The following JHY variants were observed in gnomAD, a reference collection of about 807,000 sequenced individuals.
JHY encodes the protein jhy protein homolog.
In JHY, 69 loss-of-function variants were observed where a neutral mutation model predicts 78.0. The observed-to-expected ratio is 0.88, with a 90% CI of 0.73 to 1.08. The LOEUF is 1.08. JHY is among the 50% of genes least tolerant of loss of function. The pLI is 0.00. For missense variants in JHY, 944 were observed against 927.8 expected, an observed-to-expected ratio of 1.02 and a Z score of -0.23; for synonymous variants, 368 against 342.6, an observed-to-expected ratio of 1.07 and a Z score of -0.82.
At chr11:122,900,143 T>C (rs1246925375) in intron 2 of JHY, among the ~76,000 whole-genome samples, 1 of 152,196 alleles carries the variant, frequency 6.6e-6, no homozygotes, top group Non-Finnish European at 1.5e-5. Context: ...TCTTCTCTTG[T>C]TGGAAAAGGA....
chr11:122,909,663 C>T (rs371189162), intron 3 of JHY, among the ~76,000 whole-genome samples: 1 of 152,086 alleles, frequency 6.6e-6, no homozygotes, highest in African/African-American at 2.4e-5. Context: ...CCTGTAATCC[C>T]ACCTACTTGG....
At chr11:122,938,025 G>T (rs1312080483) in intron 5 of JHY, among the ~76,000 whole-genome samples, 2 of 151,672 alleles carry the variant, frequency 1.3e-5, no homozygotes, top group African/African-American at 4.8e-5. Context: ...TTTTGTTGTT[G>T]TTTTTTGTTT....
chr11:122,956,733 C>T (rs1053335922), intron 7 of JHY, among the ~76,000 whole-genome samples, 157 bp downstream of exon 7: 9 of 152,152 alleles, frequency 5.9e-5, no homozygotes, highest in African/African-American at 1.9e-4. Flanking sequence ...GACCCAGACA[C>T]GTGCCTTTTG....
rs781074562 is a variant in JHY, at chr11:122,956,517, C to G, written c.1951C>G (p.Gln651Glu). Residue 651 changes from glutamine to glutamate, a missense_variant, in exon 7 of 9, where the codon CAG becomes GAG. Transcript: ENST00000227349. ...TTAGAACACCAAGCTGAAAGGTTAT[C>G]AGAAAAGAGACGTGAAGCTTGGAGG... ...SSKNTKLKGY[Q>E]KRDVKLGGLG... 1.9e-6 allele frequency: 3 copies of G among 1,613,396 alleles called. No homozygotes were observed. Among genetic ancestry groups the G allele is most frequent in the South Asian group, 2.2e-5 (2 of 91,014 alleles).
chr11:122,937,258 A>T (rs1276982275), intron 5 of JHY, among the ~76,000 whole-genome samples: 1,196 of 114,532 alleles, frequency 0.01, 16 homozygotes, highest in African/African-American at 0.034. Context: ...TTTTTTTTTT[A>T]ATTTTTTTGG....
intron 2 of JHY, among the ~76,000 whole-genome samples, 167 bp from the exon 3 acceptor site, chr11:122,903,758 A>G (rs1436462452): frequency 2.6e-5 from 4 of 152,182 alleles, no homozygotes; most frequent in African/African-American, 9.7e-5. Context: ...TTGGGATTAC[A>G]GGTATGAGCC....
At chr11:122,947,439 G>A (rs1863989971) in intron 6 of JHY, 1 of 152,174 alleles carries the variant, frequency 6.6e-6, no homozygotes, top group South Asian at 2.1e-4. Context: ...GGGCCTACAT[G>A]ATTTAACAAG....
At chr11:122,937,242 C>T (rs1591392018) in intron 5 of JHY, among the ~76,000 whole-genome samples, 9 of 137,646 alleles carry the variant, frequency 6.5e-5, no homozygotes, top group East Asian at 2.2e-4. Context: ...CTTTTCATTT[C>T]TTTTTTTTTT....
Position 122,961,006 on chromosome 11 carries a change from A to G in JHY, c.*1561A>G. The G allele has an allele frequency of 6.1e-6, 6 of 983,048 alleles. No homozygotes were observed. The highest frequency in any genetic ancestry group is 9.7e-6 in the Non-Finnish European group (6 of 617,798). 60.9% of individuals were successfully genotyped at this position (983,048 alleles called of 1,614,324 possible). Reference sequence around the variant, plus strand: ...AATTGGGTGCAGAGCATCTCTGCACAACAGGAAAAGGAGACAATTGCCAAG... The same window carrying G: ...AATTGGGTGCAGAGCATCTCTGCACGACAGGAAAAGGAGACAATTGCCAAG... On this transcript the variant is annotated 3_prime_UTR_variant, in exon 9 of 9. Transcript: ENST00000227349.
intron 2 of JHY, among the ~76,000 whole-genome samples, chr11:122,890,584 T>C (rs1189444736): frequency 6.6e-6 from 1 of 152,224 alleles, no homozygotes; most frequent in Non-Finnish European, 1.5e-5. Flanking sequence ...AGTGACCTCA[T>C]TTCCCAGTTG....
intron 3 of JHY, among the ~76,000 whole-genome samples, chr11:122,924,483 G>A (rs1180010098): frequency 2.0e-5 from 3 of 152,276 alleles, no homozygotes; most frequent in East Asian, 1.9e-4. Context: ...CTGGCACACC[G>A]CGAGCATTCC....
chr11:122,943,236 A>G (rs943180545), intron 5 of JHY, among the ~76,000 whole-genome samples: 1 of 152,266 alleles, frequency 6.6e-6, no homozygotes, highest in Non-Finnish European at 1.5e-5. Context: ...ATTTGGAAGT[A>G]TGTTTATAAA....
At chr11:122,951,738 G>A (rs1239671399) in intron 6 of JHY, among the ~76,000 whole-genome samples, 1 of 152,148 alleles carries the variant, frequency 6.6e-6, no homozygotes, top group African/African-American at 2.4e-5. Context: ...TTAATTCCTG[G>A]TACAAACCTT....
chr11:122,929,241 T>G (rs113248091), intron 4 of JHY, among the ~76,000 whole-genome samples: 1 of 69,624 alleles, frequency 1.4e-5, no homozygotes, highest in Admixed American at 1.2e-4. Flanking sequence ...TTGTTTTTTG[T>G]TTTTTTTTTT....
rs186496635 is a variant in JHY at position 122,910,312 on chromosome 11, A to T, written c.864+5868A>T. 4.5e-3 allele frequency among the ~76,000 whole-genome samples: 689 copies of T among 152,088 alleles called. 1 individual carries two copies. Among genetic ancestry groups the T allele is most frequent in the Non-Finnish European group, 4.8e-3 (326 of 67,966 alleles). On this transcript the variant is annotated intron_variant, in intron 3 of 8. Coordinates refer to ENST00000227349, the MANE Select transcript of JHY (RefSeq NM_024806.4). ...CAACATGTGAAACCCTGTCTCTACT[A>T]AAAAATACAAAAATTAGCCGGGCAT...
intron 2 of JHY, among the ~76,000 whole-genome samples, chr11:122,893,976 G>T (rs1052888365): frequency 3.9e-5 from 6 of 152,060 alleles, no homozygotes; most frequent in Admixed American, 1.3e-4. Flanking sequence ...GCCTTCTTAT[G>T]ATATCACAGC....
At chr11:122,903,658 T>G (rs921115735) in intron 2 of JHY, among the ~76,000 whole-genome samples, 6 of 151,982 alleles carry the variant, frequency 3.9e-5, no homozygotes, top group Non-Finnish European at 8.8e-5. Context: ...TTAAAAAAAT[T>G]TGTTGTAAAG....
At chr11:122,956,691 A>G (rs1397880088) in intron 7 of JHY, 115 bp downstream of exon 7, 3 of 721,400 alleles carry the variant, frequency 4.2e-6, no homozygotes, top group African/African-American at 1.8e-5. Context: ...CTCACTCTGA[A>G]TAGAGACCTT....
In JHY at chr11:122,934,856, A is replaced by T. The variant is rs34667728; in HGVS notation, c.1415A>T (p.His472Leu). The change falls in exon 5 of 9, where the codon CAC (histidine) becomes CTC (leucine). Residue 472 changes from histidine (H) to leucine (L), a missense_variant. Transcript: ENST00000227349. ...CTGAATGTTAATAAAGAAAGAGGAC[A>T]CAAAGACCAAGAAGAGAAAAGATTT... is the stretch of plus-strand genomic sequence containing the variant. Reference protein sequence around the residue: ...SGLNVNKERGHKDQEEKRFSY... With the variant: ...SGLNVNKERGLKDQEEKRFSY... The T allele has an allele frequency of 1.8e-4, 296 of 1,614,050 alleles. 1 individual carries two copies. In the African/African-American group the frequency reaches 2.3e-3, roughly 13 times the overall value.
Sources: gnomAD v4.1 joint callset for allele counts (sites outside exome capture counted in the v4.1 genomes callset) on GRCh38, gnomAD v4.1.1 for gene constraint, MANE v1.5 for transcripts, NCBI Gene and HGNC (gene_info 2026-07-23, HGNC 2026-07-21) for gene names.